Variants in THEMIS observed in about 807,000 individuals in gnomAD.
THEMIS encodes protein THEMIS.
Under a neutral mutation model 52.6 loss-of-function variants are expected in THEMIS, and 37 were observed. The ratio of observed to expected loss-of-function variants is 0.70; its 90% confidence interval spans 0.54 to 0.93. THEMIS has a LOEUF of 0.93. Among genes scored for constraint, THEMIS ranks in the 40% least tolerant of loss-of-function variants. The probability of loss-of-function intolerance (pLI) is 0.00; values close to 1 mark genes in which losing one functional copy is unlikely to be tolerated. For missense variants in THEMIS, 808 were observed against 763.1 expected, an observed-to-expected ratio of 1.06 and a Z score of -0.69; for synonymous variants, 292 against 272.7, an observed-to-expected ratio of 1.07 and a Z score of -0.70.
intron 1 of THEMIS, among the ~76,000 whole-genome samples, chr6:127,907,514 C>G (rs1781305945): frequency 6.6e-6 from 1 of 151,704 alleles, no homozygotes; most frequent in African/African-American, 2.4e-5. Flanking sequence ...ATTGATCAAA[C>G]TTGGCTCACA....
At chr6:127,799,075 A>G (rs1207656101) in intron 4 of THEMIS, among the ~76,000 whole-genome samples, 2 of 152,146 alleles carry the variant, frequency 1.3e-5, no homozygotes, top group Non-Finnish European at 2.9e-5. Context: ...AAAATTTAAT[A>G]TAGCCAAATA....
chr6:127,790,298 T>C (rs1777113693), intron 4 of THEMIS, among the ~76,000 whole-genome samples: 1 of 151,818 alleles, frequency 6.6e-6, no homozygotes, highest in Non-Finnish European at 1.5e-5. Context: ...GCTAGGAAAC[T>C]GGTATAAACC....
intron 3 of THEMIS, among the ~76,000 whole-genome samples, chr6:127,828,441 T>C (rs1268099272): frequency 6.6e-6 from 1 of 152,144 alleles, no homozygotes; most frequent in Non-Finnish European, 1.5e-5. Context: ...TCATTTTCTT[T>C]GCATAAACAG....
chr6:127,844,130 T>G lies in THEMIS; in HGVS notation c.250+10900A>C, dbSNP rs573229759. On this transcript the variant is annotated intron_variant, in intron 2 of 5. Transcript: ENST00000368248. ...TGAACATTTGAAATCACATATGAGG[T>G]TCATATTATATTTTTATTGGACAGT... Among the ~76,000 whole-genome samples the G allele has an allele frequency of 4.6e-5, 7 of 152,074 alleles. No homozygotes were observed. In the South Asian group the frequency reaches 1.4e-3, roughly 31 times the overall value.
chr6:127,789,803 A>G lies in THEMIS; in HGVS notation c.1758+23080T>C, dbSNP rs114923093. Among the ~76,000 whole-genome samples the G allele has an allele frequency of 5.5e-3, 843 of 152,316 alleles. 8 individuals are homozygous for G. Among genetic ancestry groups the G allele is most frequent in the African/African-American group, 0.019 (807 of 41,570 alleles). On this transcript the variant is annotated intron_variant, in intron 4 of 5. Coordinates refer to ENST00000368248, the MANE Select transcript of THEMIS (RefSeq NM_001010923.3). Reference sequence around the variant, plus strand: ...ATGATTCTCTCAGTAGATGCAAAAAAAGGCCCTCGATATAACTCAACACCC... The same window carrying G: ...ATGATTCTCTCAGTAGATGCAAAAAGAGGCCCTCGATATAACTCAACACCC...
At chr6:127,707,468 T>G (rs1004780081), downstream of THEMIS, among the ~76,000 whole-genome samples, 1 of 152,136 alleles carries the variant, frequency 6.6e-6, no homozygotes, top group Non-Finnish European at 1.5e-5. Flanking sequence ...AATAGATTGA[T>G]AGGTAGCAAG....
chr6:127,781,962 A>G (rs986292720), intron 4 of THEMIS, among the ~76,000 whole-genome samples: 2 of 152,194 alleles, frequency 1.3e-5, no homozygotes, highest in Admixed American at 1.3e-4. Context: ...GCCAGCAGGC[A>G]GGAATGTTTA....
chr6:127,916,042 T>C (rs186646922), intron 1 of THEMIS, among the ~76,000 whole-genome samples: 1 of 151,954 alleles, frequency 6.6e-6, no homozygotes, highest in Admixed American at 6.6e-5. Flanking sequence ...CCCCTAAAAC[T>C]AGGTGTCAGA....
intron 1 of THEMIS, among the ~76,000 whole-genome samples, chr6:127,872,745 C>T (rs1780196315): frequency 6.6e-6 from 1 of 152,150 alleles, no homozygotes; most frequent in African/African-American, 2.4e-5. Flanking sequence ...AGGCTATCCA[C>T]TCTAACCACT....
At chr6:127,738,196 C>T (rs1004723927) in intron 4 of THEMIS, among the ~76,000 whole-genome samples, 5 of 152,008 alleles carry the variant, frequency 3.3e-5, no homozygotes, top group Admixed American at 1.3e-4. Context: ...TAATATAAAG[C>T]AAGAATTCAG....
rs564415964 is a variant in THEMIS, at chr6:127,716,282, C to T, written c.1894+3406G>A. On this transcript the variant is annotated intron_variant, in intron 5 of 5. Transcript: ENST00000368248. ...ATAAGGAAGAAAAAGGAAAATGGCC[C>T]CCTGTTTAGCCAGGAAGATAACCGG... Among the ~76,000 whole-genome samples, 350 of 151,862 alleles carry T rather than the reference C, an allele frequency of 2.3e-3. 1 individual carries two copies. Among genetic ancestry groups the T allele is most frequent in the Middle Eastern group, 6.8e-3 (2 of 294 alleles).
intron 4 of THEMIS, among the ~76,000 whole-genome samples, chr6:127,741,815 T>C (rs970293503): frequency 1.3e-5 from 2 of 152,172 alleles, no homozygotes; most frequent in African/African-American, 4.8e-5. Flanking sequence ...AAGGAACCAT[T>C]AAAATCCATT....
intron 4 of THEMIS, among the ~76,000 whole-genome samples, chr6:127,736,223 G>T (rs868665040): frequency 6.6e-6 from 1 of 152,086 alleles, no homozygotes; most frequent in Non-Finnish European, 1.5e-5. Flanking sequence ...TGTATATTTA[G>T]AGAAAATTGT....
chr6:127,810,629 A>C (rs1264107681), intron 4 of THEMIS, among the ~76,000 whole-genome samples: 1 of 152,178 alleles, frequency 6.6e-6, no homozygotes, highest in Admixed American at 6.5e-5. Flanking sequence ...CCAGAGCTCT[A>C]AAACAATAAA....
rs1773914479 is a variant in THEMIS at position 127,709,872 on chromosome 6, T to A, written c.*113A>T. On this transcript the variant is annotated 3_prime_UTR_variant, in exon 6 of 6. Coordinates refer to ENST00000368248, the MANE Select transcript of THEMIS (RefSeq NM_001010923.3). ...TTGTTCTTTCCTTTGCAGCGATGAATCAAGTTTCTTCTGGAGTCCATTGGG... is the reference window on the plus strand; with the variant it reads ...TTGTTCTTTCCTTTGCAGCGATGAAACAAGTTTCTTCTGGAGTCCATTGGG... The A allele has an allele frequency of 1.1e-6, 1 of 877,140 alleles. No individual in the cohort carries two copies. The highest frequency in any genetic ancestry group is 1.8e-6 in the Non-Finnish European group (1 of 567,674). 54.3% of individuals were successfully genotyped at this position (877,140 alleles called of 1,614,324 possible). A position where few individuals can be genotyped will look rare whatever the true frequency, so the allele number is the denominator to read the frequency against.
the THEMIS span, among the ~76,000 whole-genome samples, chr6:127,703,052 T>G: frequency 5.8e-4 from 63 of 109,224 alleles, no homozygotes; most frequent in Non-Finnish European, 7.7e-4. Context: ...TTTTTTTTTT[T>G]TTTTTTTTTT....
At chr6:127,706,432 C>G (rs547418411), downstream of THEMIS, among the ~76,000 whole-genome samples, 26 of 152,172 alleles carry the variant, frequency 1.7e-4, no homozygotes, top group African/African-American at 6.3e-4. Flanking sequence ...AGTCAGTATT[C>G]AGACCTGGGC....
chr6:127,835,852 C>T (rs923553849), intron 2 of THEMIS, among the ~76,000 whole-genome samples: 2 of 152,100 alleles, frequency 1.3e-5, no homozygotes, highest in Non-Finnish European at 2.9e-5. Context: ...AGAAATATTT[C>T]CAGGTTGCTT....
chr6:127,898,811 T>C (rs1367939795), intron 1 of THEMIS, among the ~76,000 whole-genome samples: 5 of 151,906 alleles, frequency 3.3e-5, no homozygotes, highest in African/African-American at 7.2e-5. Context: ...AATCCTGTCA[T>C]TTGCAACAAC....
Sources: allele counts gnomAD v4.1 joint callset (sites outside exome capture counted in the v4.1 genomes callset), GRCh38; gene constraint gnomAD v4.1.1; transcripts MANE v1.5; gene names NCBI Gene and HGNC (gene_info 2026-07-23, HGNC 2026-07-21).